Variants in ADAMTS16 observed in about 807,000 individuals in gnomAD.
ADAMTS16 encodes the protein ADAM metallopeptidase with thrombospondin type 1 motif 16, also known as A disintegrin and metalloproteinase with thrombospondin motifs 16.
In ADAMTS16, 94 loss-of-function variants were observed where a neutral mutation model predicts 145.8. The ratio of observed to expected loss-of-function variants is 0.64; its 90% CI spans 0.55 to 0.77. ADAMTS16 has a LOEUF of 0.77. Ranked by LOEUF, ADAMTS16 falls within the 30% of genes least tolerant of loss-of-function variation. The probability of loss-of-function intolerance (pLI) is 0.00; values close to 1 mark genes in which losing one functional copy is unlikely to be tolerated. For missense variants in ADAMTS16, 1,585 were observed against 1,591.5 expected (o/e 1.00, Z 0.07); for synonymous variants, 659 against 604.3 (o/e 1.09, Z -1.33).
intron 14 of ADAMTS16, 117 bp from the exon 15 acceptor site, chr5:5,239,034 T>C: frequency 8.6e-7 from 1 of 1,158,572 alleles, no homozygotes; most frequent in Admixed American, 2.9e-5. Flanking sequence ...TTAACTACCC[T>C]ATGTTGGTGA....
At chr5:5,254,257 C>CACCT (rs1236938647) in intron 17 of ADAMTS16, among the ~76,000 whole-genome samples, 1 of 152,136 alleles carries the variant, frequency 6.6e-6, no homozygotes, top group Non-Finnish European at 1.5e-5. Context: ...TCCATCTTAA[C>CACCT]ACCTATTCTC....
chr5:5,277,963 C>T (rs1385838697), intron 18 of ADAMTS16, among the ~76,000 whole-genome samples: 1 of 151,532 alleles, frequency 6.6e-6, no homozygotes, highest in Non-Finnish European at 1.5e-5. Context: ...GCCTAAGTAA[C>T]AGAACAAGAC....
At chr5:5,176,846 G>A (rs547226220) in intron 3 of ADAMTS16, among the ~76,000 whole-genome samples, 6 of 152,326 alleles carry the variant, frequency 3.9e-5, no homozygotes, top group African/African-American at 7.2e-5. Flanking sequence ...TGGGAGGCAT[G>A]TTGGCCATCT....
chr5:5,196,613 A>G (rs1408830866), intron 8 of ADAMTS16, among the ~76,000 whole-genome samples: 1 of 152,160 alleles, frequency 6.6e-6, no homozygotes, highest in Non-Finnish European at 1.5e-5. Context: ...TCCAACAAGT[A>G]TTTGAAATCC....
At position 5,209,204 on chromosome 5, in the gene ADAMTS16, G is replaced by A. The variant is rs776003327; in HGVS notation, c.1563G>A (p.Gln521=). The change falls in exon 10 of 23, where the codon CAG becomes CAA. Residue 521 remains glutamine, a synonymous_variant. Coordinates refer to ENST00000274181, the MANE Select transcript of ADAMTS16 (RefSeq NM_139056.4). Reference sequence around the variant, plus strand: ...ATGCAAACACACAGTGCAAGTGGCAGTTCGGAGAGAAAGCCAAGCTCTGCA... The same window carrying A: ...ATGCAAACACACAGTGCAAGTGGCAATTCGGAGAGAAAGCCAAGCTCTGCA... ...LYDANTQCKW[Q]FGEKAKLCML... 7 of 1,614,030 alleles carry A rather than the reference G, an allele frequency of 4.3e-6. No homozygotes were observed. Among genetic ancestry groups the A allele is most frequent in the Non-Finnish European group, 5.9e-6 (7 of 1,179,882 alleles).
chr5:5,268,486 G>C (rs979357044), intron 18 of ADAMTS16, among the ~76,000 whole-genome samples: 2 of 152,136 alleles, frequency 1.3e-5, no homozygotes, highest in African/African-American at 4.8e-5. Context: ...TCCACCCGTG[G>C]GATCCTTCCA....
chr5:5,220,413 C>T lies in ADAMTS16; in HGVS notation c.1606-2376C>T, dbSNP rs982934923. Among the ~76,000 whole-genome samples the T allele has an allele frequency of 8.6e-5, 13 of 151,806 alleles. No homozygotes were observed. In the East Asian group the frequency reaches 2.6e-3, roughly 30 times the overall value. On this transcript the variant is annotated intron_variant, in intron 10 of 22. Transcript: ENST00000274181. ...GACCTCGTGATCCGCCCGCCTCGGCCTCCCAAAGTGCTGGGATTACAGGTG... is the reference window on the plus strand; with the variant it reads ...GACCTCGTGATCCGCCCGCCTCGGCTTCCCAAAGTGCTGGGATTACAGGTG...
At position 5,262,786 on chromosome 5, in the gene ADAMTS16, A is replaced by G; in HGVS notation, c.2789+3A>G. The G allele has an allele frequency of 6.2e-7, 1 of 1,613,746 alleles. No homozygotes were observed. The stretch of plus-strand genomic sequence containing the variant: ...AAAGTATCTGCCTGTCCTCCCAGGT[A>G]AGAAGCATCGCGTTCATCAAAGCAG... On this transcript the variant is annotated splice_donor_region_variant and intron_variant, in intron 18 of 22. Transcript: ENST00000274181.
At chr5:5,257,850 G>A (rs919831168) in intron 17 of ADAMTS16, among the ~76,000 whole-genome samples, 4 of 152,156 alleles carry the variant, frequency 2.6e-5, no homozygotes, top group Non-Finnish European at 5.9e-5. Context: ...CCAGTCTTGA[G>A]TCTCATGGGT....
chr5:5,162,854 T>G (rs1734778547), intron 3 of ADAMTS16, among the ~76,000 whole-genome samples: 1 of 152,262 alleles, frequency 6.6e-6, no homozygotes, highest in South Asian at 2.1e-4. Flanking sequence ...GATCAAAAAC[T>G]AATTGAAAGA....
chr5:5,162,569 G>T (rs1428388560), intron 3 of ADAMTS16, among the ~76,000 whole-genome samples: 1 of 152,180 alleles, frequency 6.6e-6, no homozygotes, highest in Non-Finnish European at 1.5e-5. Context: ...AATCACTTTG[G>T]TGCATGCACG....
chr5:5,313,794 A>G (rs1284952734), intron 21 of ADAMTS16, among the ~76,000 whole-genome samples: 1 of 152,250 alleles, frequency 6.6e-6, no homozygotes, highest in Non-Finnish European at 1.5e-5. Flanking sequence ...GTACGCAAAC[A>G]CACACAGAGT....
chr5:5,200,007 T>C (rs2126590665), intron 8 of ADAMTS16, 125 bp from the exon 9 acceptor site: 1 of 1,170,300 alleles, frequency 8.5e-7, no homozygotes, highest in Non-Finnish European at 1.2e-6. Context: ...ACTTTTATTT[T>C]TGCCTGCCTA....
intron 3 of ADAMTS16, among the ~76,000 whole-genome samples, chr5:5,159,132 G>T (rs1168854291): frequency 6.6e-6 from 1 of 152,228 alleles, no homozygotes; most frequent in African/African-American, 2.4e-5. Context: ...GCACTTCAGA[G>T]AACCTACAAT....
chr5:5,208,774 T>C (rs1218588683), intron 9 of ADAMTS16, among the ~76,000 whole-genome samples: 1 of 152,138 alleles, frequency 6.6e-6, no homozygotes, highest in Non-Finnish European at 1.5e-5. Flanking sequence ...ATGTCCATCA[T>C]AAGAGCTTCT....
intron 6 of ADAMTS16, 146 bp downstream of exon 6, chr5:5,187,954 G>A (rs1735555096): frequency 1.7e-6 from 1 of 572,640 alleles, no homozygotes; most frequent in South Asian, 2.5e-5. Context: ...CTGCAAATGA[G>A]TGTCTTTTCA....
At chr5:5,193,141 G>A (rs1172413974) in intron 8 of ADAMTS16, among the ~76,000 whole-genome samples, 2 of 138,678 alleles carry the variant, frequency 1.4e-5, no homozygotes, top group East Asian at 4.3e-4. Flanking sequence ...TCAAAGCAGT[G>A]TGTGTGTGTG....
chr5:5,175,049 T>A (rs1368409485), intron 3 of ADAMTS16, among the ~76,000 whole-genome samples: 3 of 152,160 alleles, frequency 2.0e-5, no homozygotes, highest in Admixed American at 6.5e-5. Flanking sequence ...TTACTTTTCC[T>A]CCTACTTTCC....
chr5:5,186,150 G>T lies in ADAMTS16; in HGVS notation c.862G>T (p.Glu288Ter). The T allele has an allele frequency of 6.2e-7, 1 of 1,614,132 alleles. No homozygotes were observed. The highest frequency in any genetic ancestry group is 8.5e-7 in the Non-Finnish European group (1 of 1,180,042). The change falls in exon 5 of 23, where the codon GAA (glutamate) becomes TAA (stop). Residue 288 changes from glutamate (E) to a stop codon, truncating the protein, a stop_gained. Coordinates refer to ENST00000274181, the MANE Select transcript of ADAMTS16 (RefSeq NM_139056.4). LOFTEE classifies it high-confidence loss of function. ...CTCTCTTCTGAGGTCCCATAGAAAT[G>T]AAGAACTGAACGTGGAGACCTTGGT... is the stretch of plus-strand genomic sequence containing the variant. ...KRSLLRSHRN[E>*]ELNVETLVVV...
Sources: gnomAD v4.1 joint callset for allele counts (sites outside exome capture counted in the v4.1 genomes callset) on GRCh38, gnomAD v4.1.1 for gene constraint, MANE v1.5 for transcripts, NCBI Gene and HGNC (gene_info 2026-07-23, HGNC 2026-07-21) for gene names.